TPRX1: variants seen among roughly 807,000 people sequenced by gnomAD.
TPRX1 encodes the protein tetrapeptide repeat homeobox 1.
In TPRX1, 2 loss-of-function variants were observed where a neutral mutation model predicts 8.1. That is an observed-to-expected ratio of 0.25 (90% CI 0.10 to 0.78). The LOEUF (loss-of-function observed/expected upper bound fraction) is 0.78, where lower values mean the gene tolerates loss of function less well. TPRX1 is among the 30% of genes least tolerant of loss of function. TPRX1 has a pLI of 0.70. For synonymous variants in TPRX1, 257 were observed against 254.1 expected (o/e 1.01, Z -0.11); for missense variants, 517 against 586.9 (o/e 0.88, Z 1.23).
intron 2 of TPRX1, among the ~76,000 whole-genome samples, chr19:47,815,139 TATATGCAAATATATA>T: frequency 1.9e-5 from 2 of 105,736 alleles, no homozygotes; most frequent in Admixed American, 1.0e-4. Flanking sequence ...TATATATATA[TATATGCAAATATATA>T]TATATATATT....
intron 2 of TPRX1, among the ~76,000 whole-genome samples, chr19:47,806,775 G>A (rs1023803290): frequency 1.3e-5 from 2 of 152,106 alleles, no homozygotes; most frequent in Non-Finnish European, 2.9e-5. Flanking sequence ...GGTTGCTACG[G>A]GTTGGGGAGA....
exon 4 of TPRX1, chr19:47,802,778 C>T: frequency 6.2e-7 from 1 of 1,605,484 alleles, no homozygotes; most frequent in South Asian, 1.1e-5. Flanking sequence ...CCCAGGGCCA[C>T]CCCAGGCCTG....
At chr19:47,811,945 C>A (rs2123717781) in intron 2 of TPRX1, among the ~76,000 whole-genome samples, 1 of 151,992 alleles carries the variant, frequency 6.6e-6, no homozygotes, top group East Asian at 1.9e-4. Flanking sequence ...CAGCTCCCTG[C>A]AACCTCTGCC....
At chr19:47,802,379 ATTGGGCCTGGGATCG>A in exon 4 of TPRX1, 1 of 1,276,428 alleles carries the variant, frequency 7.8e-7, no homozygotes, top group Non-Finnish European at 1.1e-6. Flanking sequence ...TGGGCCTGAG[ATTGGGCCTGGGATCG>A]GGCCTGGGAT....
At chr19:47,801,820 A>T (rs761255852) in exon 4 of TPRX1, 1 of 1,613,914 alleles carries the variant, frequency 6.2e-7, no homozygotes, top group Non-Finnish European at 8.5e-7. Flanking sequence ...TTTCATTCAC[A>T]GAGCCACCCT....
At position 47,816,778 on chromosome 19, in the gene TPRX1, C is replaced by T. The variant is rs558125040; in HGVS notation, c.151+1690G>A. 1.3e-4 allele frequency among the ~76,000 whole-genome samples: 20 copies of T among 151,752 alleles called. No homozygotes were observed. In the Middle Eastern group the frequency reaches 0.01, roughly 80 times the overall value. On this transcript the variant is annotated intron_variant, in intron 2 of 3. Coordinates refer to ENST00000535759, the Ensembl canonical transcript of TPRX1. Reference sequence around the variant, plus strand: ...CGATCTCCTGACCTCGTGATCTGCCCGCCTTGGCCTCCCAAAGTGCTGGGA... The same window carrying T: ...CGATCTCCTGACCTCGTGATCTGCCTGCCTTGGCCTCCCAAAGTGCTGGGA...
chr19:47,802,610 G>C (rs776200863), exon 4 of TPRX1: 2 of 1,551,434 alleles, frequency 1.3e-6, no homozygotes, highest in Non-Finnish European at 1.7e-6. Flanking sequence ...GCCTGGGATT[G>C]GGGCTGGGAT....
intron 2 of TPRX1, among the ~76,000 whole-genome samples, chr19:47,812,541 C>T (rs1157194639): frequency 6.6e-6 from 1 of 151,660 alleles, no homozygotes; most frequent in Non-Finnish European, 1.5e-5. Flanking sequence ...CGAGACCGGC[C>T]TGGCCAATAT....
rs77487605 is a variant in TPRX1, at chr19:47,807,815, G to A, written c.152-4142C>T. The stretch of plus-strand genomic sequence containing the variant: ...TGGATCAAGTGTAGACCCAGAGAAT[G>A]TGGTTTTCTCTTGCCATTGATGAAG... On this transcript the variant is annotated intron_variant, in intron 2 of 3. Transcript: ENST00000535759. Among the ~76,000 whole-genome samples, 1,209 of 152,258 alleles carry A rather than the reference G, an allele frequency of 7.9e-3. 18 individuals carry two copies. Among genetic ancestry groups the A allele is most frequent in the African/African-American group, 0.027 (1,127 of 41,540 alleles).
At chr19:47,802,596 T>C (rs1375587753) in exon 4 of TPRX1, 1 of 1,547,988 alleles carries the variant, frequency 6.5e-7, no homozygotes, top group Non-Finnish European at 8.7e-7. Flanking sequence ...GGGCCTGAAA[T>C]TGGGCCTGGG....
intron 2 of TPRX1, among the ~76,000 whole-genome samples, chr19:47,815,678 G>T (rs1038451477): frequency 3.4e-5 from 5 of 148,952 alleles, no homozygotes; most frequent in African/African-American, 1.2e-4. Context: ...CAGGTGTGGT[G>T]GTGTGCACCT....
chr19:47,802,520 G>A, exon 4 of TPRX1: 1 of 1,548,198 alleles, frequency 6.5e-7, no homozygotes, highest in Non-Finnish European at 8.7e-7. Flanking sequence ...GATTGGGCCT[G>A]GGATCGGGGC....
intron 2 of TPRX1, among the ~76,000 whole-genome samples, chr19:47,813,401 A>G (rs910401774): frequency 7.9e-5 from 12 of 152,112 alleles, no homozygotes; most frequent in African/African-American, 2.9e-4. Flanking sequence ...AAAAAGCCAC[A>G]TGCCAAGAAT....
At chr19:47,802,354 G>T in exon 4 of TPRX1, 1 of 1,331,152 alleles carries the variant, frequency 7.5e-7, no homozygotes, top group Non-Finnish European at 1.0e-6. Context: ...TCGGGCCTGG[G>T]TTTGGGCCTG....
intron 2 of TPRX1, among the ~76,000 whole-genome samples, chr19:47,816,198 A>AGCTGGGATTATAG (rs904031378): frequency 3.3e-5 from 5 of 151,076 alleles, no homozygotes; most frequent in African/African-American, 1.2e-4. Flanking sequence ...CCTCCTGAGT[A>AGCTGGGATTATAG]GCTGGGATTA....
chr19:47,802,294 G>T (rs1967675708), exon 4 of TPRX1: 2 of 1,327,078 alleles, frequency 1.5e-6, no homozygotes, highest in African/African-American at 2.8e-5. Flanking sequence ...TTGGGCCTGG[G>T]ATCGGGCCTG....
intron 2 of TPRX1, among the ~76,000 whole-genome samples, chr19:47,815,125 T>TATATATATGCAAATATATATATATATGC (rs1555800017): frequency 1.0e-5 from 1 of 97,430 alleles, no homozygotes; most frequent in African/African-American, 3.9e-5. Context: ...TATATATATA[T>TATATATATGCAAATATATATATATATGC]ATATATATAT....
intron 2 of TPRX1, among the ~76,000 whole-genome samples, chr19:47,805,058 C>G (rs1468517587): frequency 1.3e-5 from 2 of 152,240 alleles, no homozygotes; most frequent in African/African-American, 4.8e-5. Context: ...CTCAAGGCCA[C>G]TCTGGCCCCT....
At chr19:47,808,514 A>G (rs1599953405) in intron 2 of TPRX1, among the ~76,000 whole-genome samples, 1 of 151,974 alleles carries the variant, frequency 6.6e-6, no homozygotes, top group African/African-American at 2.4e-5. Flanking sequence ...ATATCGGCTC[A>G]CTGCAACCTC....
Sources: allele counts gnomAD v4.1 joint callset (sites outside exome capture counted in the v4.1 genomes callset), GRCh38; gene constraint gnomAD v4.1.1; transcripts MANE v1.5; gene names NCBI Gene and HGNC (gene_info 2026-07-23, HGNC 2026-07-21).